CBFA2T2: variants seen among roughly 807,000 people sequenced by gnomAD.
CBFA2T2 encodes the protein CBFA2/RUNX1 partner transcriptional co-repressor 2, also known as protein CBFA2T2.
A neutral mutation model predicts 62.2 loss-of-function variants in CBFA2T2; 11 were observed. The observed-to-expected ratio is 0.18, with a 90% CI of 0.11 to 0.29. The LOEUF (loss-of-function observed/expected upper bound fraction) is 0.29, where lower values mean the gene tolerates loss of function less well. Ranked by LOEUF, CBFA2T2 falls within the 10% of genes least tolerant of loss-of-function variation. The pLI is 1.00. For missense variants in CBFA2T2, 592 were observed against 774.1 expected, an observed-to-expected ratio of 0.76 and a Z score of 2.79; for synonymous variants, 295 against 287.5, an observed-to-expected ratio of 1.03 and a Z score of -0.27.
At chr20:33,542,078 T>C (rs2012424065) in intron 1 of CBFA2T2, among the ~76,000 whole-genome samples, 1 of 152,212 alleles carries the variant, frequency 6.6e-6, no homozygotes, top group Non-Finnish European at 1.5e-5. Context: ...AGGAGTCACC[T>C]GAAGAACTTA....
intron 1 of CBFA2T2, among the ~76,000 whole-genome samples, chr20:33,552,658 G>A (rs209676): frequency 0.019 from 2,828 of 152,300 alleles, 76 homozygotes; most frequent in African/African-American, 0.064. Flanking sequence ...ACAGGAGTTT[G>A]CAAGATTATC....
intron 8 of CBFA2T2, among the ~76,000 whole-genome samples, chr20:33,631,482 T>C (rs114201728): frequency 0.028 from 4,258 of 152,296 alleles, 187 homozygotes; most frequent in African/African-American, 0.097. Flanking sequence ...TGAGTCCACA[T>C]GTGTGCAGGT....
chr20:33,501,714 A>G (rs1405459610), intron 1 of CBFA2T2, among the ~76,000 whole-genome samples: 1 of 122,588 alleles, frequency 8.2e-6, no homozygotes, highest in Non-Finnish European at 1.6e-5. Flanking sequence ...ATCTCGGCTC[A>G]CTGCAACCTC....
intron 2 of CBFA2T2, among the ~76,000 whole-genome samples, chr20:33,609,476 T>C (rs1318949724): frequency 3.9e-5 from 6 of 152,076 alleles, no homozygotes; most frequent in African/African-American, 1.4e-4. Context: ...CACTCCAGCC[T>C]GGGAAACAGA....
chr20:33,508,617 C>G (rs1310551022), intron 1 of CBFA2T2, among the ~76,000 whole-genome samples: 1 of 152,064 alleles, frequency 6.6e-6, no homozygotes, highest in Non-Finnish European at 1.5e-5. Context: ...GTTTTGTTCC[C>G]CTCTTATATG....
At chr20:33,545,644 G>A (rs549128414) in intron 1 of CBFA2T2, among the ~76,000 whole-genome samples, 2 of 152,170 alleles carry the variant, frequency 1.3e-5, no homozygotes, top group African/African-American at 2.4e-5. Flanking sequence ...ATGGGCTTCC[G>A]CCATGTTGGC....
intron 1 of CBFA2T2, among the ~76,000 whole-genome samples, chr20:33,515,115 G>A (rs1334243613): frequency 6.6e-6 from 1 of 151,736 alleles, no homozygotes; most frequent in Non-Finnish European, 1.5e-5. Context: ...TTGGGAGGCC[G>A]AAGCGGGTGG....
At chr20:33,592,912 T>C (rs887057431) in intron 1 of CBFA2T2, among the ~76,000 whole-genome samples, 6 of 152,216 alleles carry the variant, frequency 3.9e-5, no homozygotes, top group Non-Finnish European at 7.3e-5. Context: ...CATCTTAAAA[T>C]TGTAGACTAA....
chr20:33,639,965 A>G (rs1414882478), intron 9 of CBFA2T2, among the ~76,000 whole-genome samples: 3 of 152,232 alleles, frequency 2.0e-5, no homozygotes, highest in Non-Finnish European at 2.9e-5. Flanking sequence ...TCCATCTACC[A>G]TCTCAAGCAA....
chr20:33,575,772 T>C (rs1457886308), intron 1 of CBFA2T2, among the ~76,000 whole-genome samples: 5 of 150,512 alleles, frequency 3.3e-5, no homozygotes, highest in Non-Finnish European at 7.4e-5. Flanking sequence ...ATCACAGAGG[T>C]GTTTATTTTT....
intron 3 of CBFA2T2, among the ~76,000 whole-genome samples, chr20:33,616,133 A>G (rs1213701976): frequency 1.3e-5 from 2 of 150,092 alleles, no homozygotes; most frequent in East Asian, 3.9e-4. Context: ...AGATAGATAG[A>G]TGACAGAGCA....
chr20:33,592,764 A>G (rs1464064341), intron 1 of CBFA2T2, among the ~76,000 whole-genome samples: 1 of 152,180 alleles, frequency 6.6e-6, no homozygotes, highest in Non-Finnish European at 1.5e-5. Flanking sequence ...ATGGAGTTAT[A>G]TGAATGGGTC....
chr20:33,492,936 A>AT (rs1202336795), intron 1 of CBFA2T2, among the ~76,000 whole-genome samples: 1 of 150,866 alleles, frequency 6.6e-6, no homozygotes, highest in Non-Finnish European at 1.5e-5. Context: ...TTTTTTTTGT[A>AT]TTTTTTGTAG....
At chr20:33,628,978 G>A (rs2016351068) in intron 7 of CBFA2T2, among the ~76,000 whole-genome samples, 2 of 152,182 alleles carry the variant, frequency 1.3e-5, no homozygotes, top group African/African-American at 4.8e-5. Context: ...AACAACAAAG[G>A]TTTGTAGCCA....
chr20:33,600,449 A>T (rs536354973), intron 1 of CBFA2T2: 2 of 400,710 alleles, frequency 5.0e-6, no homozygotes, highest in Non-Finnish European at 9.9e-6. Context: ...TGGCCTCCCA[A>T]CGTGCTGGGA....
At chr20:33,567,397 C>A (rs1411723254) in intron 1 of CBFA2T2, among the ~76,000 whole-genome samples, 1 of 152,142 alleles carries the variant, frequency 6.6e-6, no homozygotes, top group African/African-American at 2.4e-5. Context: ...GGAGTGTGTA[C>A]AGTAGTCTCC....
chr20:33,628,496 T>A (rs1417219243), intron 7 of CBFA2T2, 61 bp downstream of exon 7: 6 of 1,137,112 alleles, frequency 5.3e-6, no homozygotes, highest in Non-Finnish European at 8.0e-6. Context: ...GAAACAGGAG[T>A]CTCGCTCTGT....
At chr20:33,630,249 C>T (rs1187685845) in intron 8 of CBFA2T2, among the ~76,000 whole-genome samples, 1 of 152,098 alleles carries the variant, frequency 6.6e-6, no homozygotes, top group Non-Finnish European at 1.5e-5. Context: ...TGCCCAGCCT[C>T]GTACTTGGCG....
chr20:33,563,585 A>G (rs2013171291), intron 1 of CBFA2T2, among the ~76,000 whole-genome samples: 1 of 152,124 alleles, frequency 6.6e-6, no homozygotes, highest in Non-Finnish European at 1.5e-5. Context: ...GTTCTATGGA[A>G]AGAACATGAG....
Sources: allele counts gnomAD v4.1 joint callset (sites outside exome capture counted in the v4.1 genomes callset), GRCh38; gene constraint gnomAD v4.1.1; transcripts MANE v1.5; gene names NCBI Gene and HGNC (gene_info 2026-07-23, HGNC 2026-07-21).